The following SNX2 variants were observed in gnomAD, a reference collection of about 807,000 sequenced individuals.
SNX2 encodes sorting nexin-2.
A neutral mutation model predicts 69.9 loss-of-function variants in SNX2; 25 were observed. The observed-to-expected ratio is 0.36, with a 90% confidence interval of 0.26 to 0.50. The LOEUF (loss-of-function observed/expected upper bound fraction) is 0.50. Among genes scored for constraint, SNX2 ranks in the 20% least tolerant of loss-of-function variants. SNX2 has a pLI of 0.97. For missense variants in SNX2, 551 were observed against 613.3 expected (o/e 0.90, Z 1.07); for synonymous variants, 229 against 200.4 (o/e 1.14, Z -1.20).
chr5:122,829,775 T>TACACACACACACACAGACAC lies in SNX2; in HGVS notation c.*142_*143insGACACACACACACACACACA. On this transcript the variant is annotated 3_prime_UTR_variant, in exon 15 of 15. Coordinates refer to ENST00000379516, the MANE Select transcript of SNX2 (RefSeq NM_003100.4). The stretch of plus-strand genomic sequence containing the variant: ...TTTATGAATTACATGTGGTTTTATA[T>TACACACACACACACAGACAC]ACACACACACACACACACACACACA... 1 of 524,798 alleles carries TACACACACACACACAGACAC rather than the reference T, an allele frequency of 1.9e-6. No individual in the cohort carries two copies. The highest frequency in any genetic ancestry group is 3.6e-6 in the Non-Finnish European group (1 of 279,398). 32.5% of individuals were successfully genotyped at this position (524,798 alleles called of 1,614,324 possible).
chr5:122,824,161 C>T (rs1161393135), intron 11 of SNX2, among the ~76,000 whole-genome samples: 1 of 148,860 alleles, frequency 6.7e-6, no homozygotes, highest in African/African-American at 2.5e-5. Context: ...GAGATCGCGC[C>T]ACTGCACTCC....
intron 11 of SNX2, 78 bp downstream of exon 11, chr5:122,819,101 A>G (rs1654778586): frequency 8.8e-7 from 1 of 1,133,090 alleles, no homozygotes; most frequent in Non-Finnish European, 1.3e-6. Context: ...TTATGTATTT[A>G]CATGTCTAAA....
chr5:122,817,259 C>T (rs370607271), intron 9 of SNX2, 21 bp from the exon 10 acceptor site: 4 of 1,605,110 alleles, frequency 2.5e-6, no homozygotes, highest in Non-Finnish European at 3.4e-6. Flanking sequence ...AAATTAGCTC[C>T]ATTTTTCATT....
Position 122,816,546 on chromosome 5 carries a change from T to C in SNX2, c.799-369T>C, listed in dbSNP as rs375573519. Among the ~76,000 whole-genome samples, 3 of 152,202 alleles carry C rather than the reference T, an allele frequency of 2.0e-5. No homozygotes were observed. The East Asian group carries it at 5.8e-4, about 29-fold the overall frequency. ...AAGCTAACTGAGCATAAGGAGATTTTTCTCAAGACTTTCTTCTTTCCTTAT... is the reference window on the plus strand; with the variant it reads ...AAGCTAACTGAGCATAAGGAGATTTCTCTCAAGACTTTCTTCTTTCCTTAT... On this transcript the variant is annotated intron_variant, in intron 8 of 14. Coordinates refer to ENST00000379516, the MANE Select transcript of SNX2 (RefSeq NM_003100.4).
chr5:122,784,618 A>C (rs1561441702), intron 1 of SNX2, among the ~76,000 whole-genome samples: 1 of 151,856 alleles, frequency 6.6e-6, no homozygotes, highest in Admixed American at 6.6e-5. Flanking sequence ...TAATGTATTT[A>C]TCCTTTTTAT....
At chr5:122,806,763 C>A (rs1753667442) in intron 6 of SNX2, among the ~76,000 whole-genome samples, 1 of 151,864 alleles carries the variant, frequency 6.6e-6, no homozygotes, top group Non-Finnish European at 1.5e-5. Context: ...AATTCACATC[C>A]CAATTCCGGT....
Position 122,811,984 on chromosome 5 carries a change from G to C in SNX2, c.722+3629G>C, listed in dbSNP as rs1327066478. On this transcript the variant is annotated intron_variant, in intron 7 of 14. Transcript: ENST00000379516. ...GAGTTTGGAGTAGGCAGCTGTTCAG[G>C]ATTATCTAATTCATTAGGAAATTCT... Among the ~76,000 whole-genome samples the C allele has an allele frequency of 5.3e-5, 8 of 152,080 alleles. No individual in the cohort carries two copies. The South Asian group carries it at 1.4e-3, about 28-fold the overall frequency.
At chr5:122,776,631 T>A (rs931130925) in intron 1 of SNX2, among the ~76,000 whole-genome samples, 3 of 152,234 alleles carry the variant, frequency 2.0e-5, no homozygotes, top group African/African-American at 7.2e-5. Context: ...ACTATACAGC[T>A]ACTTTAACAT....
At position 122,815,802 on chromosome 5, in the gene SNX2, CTT is replaced by C. The variant is rs529054858; in HGVS notation, c.723-87_723-86del. The C allele has an allele frequency of 3.9e-4, 236 of 607,442 alleles. 2 individuals are homozygous for C. In the Middle Eastern group the frequency reaches 3.9e-3, roughly 10 times the overall value. 37.6% of individuals were successfully genotyped at this position (607,442 alleles called of 1,614,324 possible). On this transcript the variant is annotated intron_variant, in intron 7 of 14. Transcript: ENST00000379516. ...AGTCTAATACGAGGTAGTGAGGACA[CTT>C]TTTTTTCCTAGTATTTCTATTTTTT...
At chr5:122,829,524 T>C in intron 14 of SNX2, 74 bp from the exon 15 acceptor site, 3 of 1,218,498 alleles carry the variant, frequency 2.5e-6, no homozygotes, top group Non-Finnish European at 2.4e-6. Context: ...TTTTTTTTAA[T>C]GCTGTACAGG....
At chr5:122,776,850 A>G (rs2149998653) in intron 1 of SNX2, among the ~76,000 whole-genome samples, 1 of 152,326 alleles carries the variant, frequency 6.6e-6, no homozygotes, top group Admixed American at 6.5e-5. Context: ...ACTTTAAAAA[A>G]CAGAGTGTTA....
At chr5:122,777,810 C>T (rs1017898586) in intron 1 of SNX2, among the ~76,000 whole-genome samples, 2 of 152,160 alleles carry the variant, frequency 1.3e-5, no homozygotes, top group African/African-American at 4.8e-5. Flanking sequence ...TATCCATTAC[C>T]TCAAACGTTT....
chr5:122,821,083 AAGG>A (rs1347056116), intron 11 of SNX2, among the ~76,000 whole-genome samples: 1 of 152,212 alleles, frequency 6.6e-6, no homozygotes, highest in East Asian at 1.9e-4. Context: ...GATATTATGG[AAGG>A]AGGTGACAGG....
intron 1 of SNX2, chr5:122,775,574 T>C (rs910710630): frequency 1.0e-5 from 10 of 1,001,000 alleles, no homozygotes; most frequent in Non-Finnish European, 1.2e-5. Context: ...TCCACCGAGC[T>C]CTTTTGAAGG....
At chr5:122,775,428 A>C in intron 1 of SNX2, 1 of 1,261,390 alleles carries the variant, frequency 7.9e-7, no homozygotes, top group Non-Finnish European at 1.0e-6. Context: ...GCGGGTGCCG[A>C]CCTAATCCTC....
rs540904124 is a variant in SNX2 at position 122,806,807 on chromosome 5, C to CT, written c.644-1468dup. 2.3e-4 allele frequency among the ~76,000 whole-genome samples: 35 copies of CT among 151,940 alleles called. No homozygotes were observed. The East Asian group carries it at 6.8e-3, about 29-fold the overall frequency. ...CAGAGGTAGTTGTAGTTTTAGGTGT[C>CT]TTATTTTCCTTTTGAAGCCATTGTA... On this transcript the variant is annotated intron_variant, in intron 6 of 14. Transcript: ENST00000379516.
intron 7 of SNX2, among the ~76,000 whole-genome samples, chr5:122,809,050 A>T (rs1356676143): frequency 6.6e-6 from 1 of 152,132 alleles, no homozygotes; most frequent in Non-Finnish European, 1.5e-5. Context: ...TCAACTAACT[A>T]TGGATGGAAA....
chr5:122,781,142 C>A (rs1194221280), intron 1 of SNX2, among the ~76,000 whole-genome samples: 1 of 152,160 alleles, frequency 6.6e-6, no homozygotes, highest in Non-Finnish European at 1.5e-5. Context: ...TTGCTTGCGA[C>A]AGGGATGCTC....
chr5:122,817,059 A>T, intron 9 of SNX2, 31 bp downstream of exon 9: 1 of 1,462,120 alleles, frequency 6.8e-7, no homozygotes, highest in Non-Finnish European at 9.6e-7. Flanking sequence ...TTGAATAATG[A>T]GATGAATTAA....
Sources: allele counts gnomAD v4.1 joint callset (sites outside exome capture counted in the v4.1 genomes callset), GRCh38; gene constraint gnomAD v4.1.1; transcripts MANE v1.5; gene names NCBI Gene and HGNC (gene_info 2026-07-23, HGNC 2026-07-21).